The following ACACA variants were observed in gnomAD, a reference collection of about 807,000 sequenced individuals.
ACACA encodes acetyl-CoA carboxylase alpha.
ACACA carries 103 observed loss-of-function variants against 296.1 expected under a neutral mutation model. That is an observed-to-expected ratio of 0.35 (90% CI 0.30 to 0.41). The LOEUF is 0.41. Ranked by LOEUF, ACACA falls within the 10% of genes least tolerant of loss-of-function variation. The pLI is 1.00. For missense variants in ACACA, 1,554 were observed against 2,989.7 expected, an observed-to-expected ratio of 0.52 and a Z score of 11.20; for synonymous variants, 953 against 1,038.6, an observed-to-expected ratio of 0.92 and a Z score of 1.58.
intron 1 of ACACA, among the ~76,000 whole-genome samples, chr17:37,349,407 T>C (rs2147449833): frequency 6.8e-6 from 1 of 147,694 alleles, no homozygotes; most frequent in East Asian, 2.0e-4. Flanking sequence ...AACATATATA[T>C]AATATATATT....
At chr17:37,263,631 A>C (rs1228467941) in intron 11 of ACACA, 54 bp downstream of exon 11, 1 of 1,442,398 alleles carries the variant, frequency 6.9e-7, no homozygotes, top group African/African-American at 1.4e-5. Context: ...ACATGAACTG[A>C]ATGAAAAATG....
At chr17:37,241,469 C>T (rs2080399130) in intron 23 of ACACA, among the ~76,000 whole-genome samples, 2 of 152,086 alleles carry the variant, frequency 1.3e-5, no homozygotes, top group Non-Finnish European at 2.9e-5. Context: ...GTTTGGGAGG[C>T]CGAGGCGGGT....
rs779235659 is a variant in ACACA, at chr17:37,130,059, G to A, written c.5823+16C>T. ...GGCTCTGCAGGCCATGTCAGTGCTG[G>A]GTAGGAAGGGCTCACCTTGGGCATG... On this transcript the variant is annotated intron_variant, in intron 46 of 55. Transcript: ENST00000616317. 5 of 1,614,016 alleles carry A rather than the reference G, an allele frequency of 3.1e-6. No homozygotes were observed. Among genetic ancestry groups the A allele is most frequent in the Non-Finnish European group, 4.2e-6 (5 of 1,179,922 alleles).
At chr17:37,276,647 T>C (rs763006159) in intron 7 of ACACA, among the ~76,000 whole-genome samples, 21 of 152,330 alleles carry the variant, frequency 1.4e-4, no homozygotes, top group Middle Eastern at 3.4e-3. Context: ...GCACAGGTGC[T>C]GATTCATATT....
intron 1 of ACACA, among the ~76,000 whole-genome samples, chr17:37,399,280 C>T (rs772576392): frequency 1.3e-5 from 2 of 152,074 alleles, no homozygotes; most frequent in Non-Finnish European, 2.9e-5. Context: ...CGCACCAGGC[C>T]CTAAATTCTT....
intron 48 of ACACA, among the ~76,000 whole-genome samples, chr17:37,123,292 T>C (rs1296967250): frequency 1.3e-5 from 2 of 152,206 alleles, no homozygotes; most frequent in African/African-American, 2.4e-5. Context: ...TTTTTAGTAG[T>C]AATGCTGGTG....
chr17:37,366,147 T>C (rs1232652229), intron 1 of ACACA, among the ~76,000 whole-genome samples: 1 of 152,176 alleles, frequency 6.6e-6, no homozygotes, highest in Non-Finnish European at 1.5e-5. Context: ...TCTAAAGCCA[T>C]GACGGTGCTC....
chr17:37,281,453 C>T (rs1567935559), intron 5 of ACACA, among the ~76,000 whole-genome samples: 1 of 152,126 alleles, frequency 6.6e-6, no homozygotes, highest in African/African-American at 2.4e-5. Context: ...ATAGCACTTA[C>T]CTCATTGTAT....
chr17:37,094,434 G>A (rs540886550), intron 54 of ACACA, among the ~76,000 whole-genome samples: 2 of 152,108 alleles, frequency 1.3e-5, no homozygotes, highest in Non-Finnish European at 2.9e-5. Context: ...TGCCTATCTC[G>A]AAATGTCTTT....
At chr17:37,359,829 C>G (rs957006452) in intron 1 of ACACA, among the ~76,000 whole-genome samples, 1 of 152,128 alleles carries the variant, frequency 6.6e-6, no homozygotes, top group Non-Finnish European at 1.5e-5. Flanking sequence ...TTTCGCTCCT[C>G]AGCCCCGAGA....
chr17:37,259,316 C>G, intron 12 of ACACA, 44 bp downstream of exon 12: 1 of 1,612,640 alleles, frequency 6.2e-7, no homozygotes, highest in East Asian at 2.2e-5. Flanking sequence ...TTTCAGGCCT[C>G]TCTGACTTTT....
chr17:37,163,674 C>G (rs1245142874), intron 41 of ACACA, among the ~76,000 whole-genome samples: 1 of 152,174 alleles, frequency 6.6e-6, no homozygotes, highest in African/African-American at 2.4e-5. Flanking sequence ...CTAGAATTTA[C>G]CAATGCTCAA....
intron 50 of ACACA, among the ~76,000 whole-genome samples, chr17:37,119,987 G>C (rs1029633353): frequency 1.0e-4 from 15 of 150,668 alleles, no homozygotes; most frequent in African/African-American, 3.7e-4. Context: ...CTGCCTCCTG[G>C]GTTCAAGTGA....
At chr17:37,170,460 CT>C (rs1172222601) in intron 41 of ACACA, among the ~76,000 whole-genome samples, 1 of 152,028 alleles carries the variant, frequency 6.6e-6, no homozygotes, top group Non-Finnish European at 1.5e-5. Context: ...AAAAGTATCA[CT>C]GGACAGGACG....
chr17:37,249,617 A>G (rs905873292), intron 16 of ACACA, among the ~76,000 whole-genome samples: 2 of 152,218 alleles, frequency 1.3e-5, no homozygotes, highest in Non-Finnish European at 2.9e-5. Context: ...GATGTTGCGC[A>G]TGTTTTCACA....
chr17:37,371,149 G>C (rs894658535), intron 1 of ACACA, among the ~76,000 whole-genome samples: 1 of 151,750 alleles, frequency 6.6e-6, no homozygotes, highest in Non-Finnish European at 1.5e-5. Flanking sequence ...TCACGATCTC[G>C]GCTCACTGCA....
intron 43 of ACACA, 69 bp downstream of exon 43, chr17:37,155,614 T>C: frequency 9.4e-7 from 1 of 1,059,296 alleles, no homozygotes; most frequent in Non-Finnish European, 1.5e-6. Context: ...AGCTGTACAA[T>C]ATGGAAAAAA....
chr17:37,100,577 C>A (rs1597815260), intron 52 of ACACA, among the ~76,000 whole-genome samples: 2 of 149,222 alleles, frequency 1.3e-5, no homozygotes, highest in East Asian at 4.0e-4. Context: ...ACCAAAAATA[C>A]TTGACAATGA....
intron 1 of ACACA, among the ~76,000 whole-genome samples, chr17:37,390,175 T>TATATGCAC (rs60788220): frequency 2.2e-5 from 1 of 44,508 alleles, no homozygotes; most frequent in East Asian, 6.3e-4. Context: ...TATATATATA[T>TATATGCAC]ACACACACAC....
Sources: allele counts gnomAD v4.1 joint callset (sites outside exome capture counted in the v4.1 genomes callset), GRCh38; gene constraint gnomAD v4.1.1; transcripts MANE v1.5; gene names NCBI Gene and HGNC (gene_info 2026-07-23, HGNC 2026-07-21).